Variants in NELL1 observed in about 807,000 individuals in gnomAD.
NELL1 encodes the protein protein kinase C-binding protein NELL1.
NELL1 carries 76 observed loss-of-function variants against 107.4 expected under a neutral mutation model. The observed-to-expected ratio is 0.71, with a 90% CI of 0.59 to 0.86. The LOEUF (loss-of-function observed/expected upper bound fraction) is 0.86. Ranked by LOEUF, NELL1 falls within the 40% of genes least tolerant of loss-of-function variation. The pLI is 0.00. For missense variants in NELL1, 1,024 were observed against 1,005.5 expected (o/e 1.02, Z -0.25); for synonymous variants, 353 against 341.2 (o/e 1.03, Z -0.38).
intron 2 of NELL1, among the ~76,000 whole-genome samples, chr11:20,765,308 G>A (rs1856506258): frequency 6.6e-6 from 1 of 152,164 alleles, no homozygotes; most frequent in African/African-American, 2.4e-5. Context: ...AGGTTCAGAA[G>A]GGATTACCAA....
chr11:20,904,224 A>G (rs1207040461), intron 5 of NELL1, among the ~76,000 whole-genome samples: 2 of 152,054 alleles, frequency 1.3e-5, no homozygotes, highest in Non-Finnish European at 2.9e-5. Context: ...AATAAAAAAA[A>G]AAAGAAAAAA....
chr11:21,544,612 C>T (rs1293413955), intron 16 of NELL1, among the ~76,000 whole-genome samples: 1 of 151,876 alleles, frequency 6.6e-6, no homozygotes, highest in Admixed American at 6.6e-5. Flanking sequence ...CTTGACATTT[C>T]TTTACTCACT....
chr11:21,148,156 T>TA (rs771588376), intron 13 of NELL1, among the ~76,000 whole-genome samples: 45 of 152,242 alleles, frequency 3.0e-4, no homozygotes, highest in Non-Finnish European at 4.9e-4. Context: ...AATACTGTTG[T>TA]AAAGGGATAA....
chr11:20,807,606 A>G (rs1857412389), intron 3 of NELL1, among the ~76,000 whole-genome samples: 1 of 152,210 alleles, frequency 6.6e-6, no homozygotes, highest in Admixed American at 6.5e-5. Context: ...TGGTGCAGCC[A>G]GCCAGGTTTG....
intron 15 of NELL1, among the ~76,000 whole-genome samples, chr11:21,524,890 G>A (rs1232125620): frequency 6.6e-6 from 1 of 152,154 alleles, no homozygotes; most frequent in African/African-American, 2.4e-5. Context: ...TGACAGTGAG[G>A]AAGGAGTGCT....
At chr11:21,460,301 C>T (rs574534125) in intron 15 of NELL1, among the ~76,000 whole-genome samples, 2 of 152,158 alleles carry the variant, frequency 1.3e-5, no homozygotes, top group East Asian at 3.9e-4. Flanking sequence ...GGATATGACT[C>T]ATAATGACTA....
chr11:21,302,441 A>G (rs1233317703), intron 14 of NELL1, among the ~76,000 whole-genome samples: 1 of 152,072 alleles, frequency 6.6e-6, no homozygotes, highest in Non-Finnish European at 1.5e-5. Context: ...CAAGCTCAGC[A>G]TGAATTACAT....
intron 16 of NELL1, among the ~76,000 whole-genome samples, chr11:21,555,048 C>A (rs1012671924): frequency 6.6e-6 from 1 of 151,874 alleles, no homozygotes; most frequent in African/African-American, 2.4e-5. Flanking sequence ...TGAGAGACAA[C>A]TATAAAGTCA....
At chr11:21,346,114 G>C (rs887808035) in intron 14 of NELL1, among the ~76,000 whole-genome samples, 6 of 152,288 alleles carry the variant, frequency 3.9e-5, no homozygotes, top group African/African-American at 1.4e-4. Context: ...TCCAGGGATA[G>C]AGCAAGCATG....
At chr11:21,284,864 T>TA (rs1849081217) in intron 14 of NELL1, 1 of 298,982 alleles carries the variant, frequency 3.3e-6, no homozygotes, top group Non-Finnish European at 6.6e-6. Context: ...ACAACAAAAG[T>TA]GTCCACACTG....
chr11:20,699,492 C>T lies in NELL1; in HGVS notation c.184+21432C>T, dbSNP rs570783514. On this transcript the variant is annotated intron_variant, in intron 2 of 19. Transcript: ENST00000357134. ...TCCTCTGCCTTAGCCTCCCCAGCAG[C>T]TGGGACTACAGGTGCACGCCACCAT... is the stretch of plus-strand genomic sequence containing the variant. Among the ~76,000 whole-genome samples the T allele has an allele frequency of 2.1e-3, 319 of 152,164 alleles. 1 individual carries two copies. The highest frequency in any genetic ancestry group is 7.4e-3 in the African/African-American group (308 of 41,526).
chr11:21,491,601 C>G (rs890699533), intron 15 of NELL1, among the ~76,000 whole-genome samples: 1 of 152,110 alleles, frequency 6.6e-6, no homozygotes, highest in South Asian at 2.1e-4. Flanking sequence ...GTTACTGTAG[C>G]TTTGTAGTAT....
At chr11:21,521,836 G>C (rs1443752325) in intron 15 of NELL1, among the ~76,000 whole-genome samples, 4 of 152,054 alleles carry the variant, frequency 2.6e-5, no homozygotes, top group African/African-American at 7.2e-5. Flanking sequence ...GGTTTAATTT[G>C]AATTTCTCTG....
At chr11:20,899,350 T>C (rs1405871854) in intron 5 of NELL1, among the ~76,000 whole-genome samples, 1 of 152,166 alleles carries the variant, frequency 6.6e-6, no homozygotes, top group African/African-American at 2.4e-5. Flanking sequence ...CCTCCCACCT[T>C]TGTATGTTTG....
At chr11:20,820,130 T>G (rs1857718166) in intron 3 of NELL1, among the ~76,000 whole-genome samples, 1 of 152,218 alleles carries the variant, frequency 6.6e-6, no homozygotes, top group South Asian at 2.1e-4. Flanking sequence ...TGACAACTCT[T>G]AATGCTTTGT....
intron 13 of NELL1, among the ~76,000 whole-genome samples, chr11:21,128,910 A>T (rs1276106122): frequency 6.6e-6 from 1 of 152,232 alleles, no homozygotes; most frequent in East Asian, 1.9e-4. Flanking sequence ...GATACCAGAG[A>T]CTAGTGCCCT....
At chr11:20,761,026 C>T (rs1157765639) in intron 2 of NELL1, among the ~76,000 whole-genome samples, 2 of 152,216 alleles carry the variant, frequency 1.3e-5, no homozygotes, top group Non-Finnish European at 2.9e-5. Context: ...GTTCAAGCTG[C>T]TGCCTTATTT....
intron 12 of NELL1, among the ~76,000 whole-genome samples, chr11:20,960,801 A>T (rs576611514): frequency 1.2e-3 from 182 of 152,314 alleles, no homozygotes; most frequent in Admixed American, 2.8e-3. Context: ...GGCAACAGGG[A>T]CATATCAAAT....
At chr11:21,019,206 GGTGTGTTA>G (rs1852641250) in intron 12 of NELL1, among the ~76,000 whole-genome samples, 1 of 151,984 alleles carries the variant, frequency 6.6e-6, no homozygotes, top group Non-Finnish European at 1.5e-5. Context: ...TACCTCCTAG[GGTGTGTTA>G]GTCTGATTAA....
Sources: gnomAD v4.1 joint callset for allele counts (sites outside exome capture counted in the v4.1 genomes callset) on GRCh38, gnomAD v4.1.1 for gene constraint, MANE v1.5 for transcripts, NCBI Gene and HGNC (gene_info 2026-07-23, HGNC 2026-07-21) for gene names.